The following COL19A1 variants were observed in gnomAD, a reference collection of about 807,000 sequenced individuals.
COL19A1 encodes the protein collagen type XIX alpha 1 chain.
COL19A1 carries 159 observed loss-of-function variants against 190.2 expected under a neutral mutation model. The ratio of observed to expected loss-of-function variants is 0.84; its 90% CI spans 0.73 to 0.95. The LOEUF is 0.95. Among genes scored for constraint, COL19A1 ranks in the 40% least tolerant of loss-of-function variants. COL19A1 has a pLI of 0.00. For missense variants in COL19A1, 1,418 were observed against 1,431.9 expected (o/e 0.99, Z 0.16); for synonymous variants, 509 against 458.9 (o/e 1.11, Z -1.39).
chr6:69,997,780 G>A (rs891892654), intron 11 of COL19A1, among the ~76,000 whole-genome samples: 1 of 152,102 alleles, frequency 6.6e-6, no homozygotes, highest in African/African-American at 2.4e-5. Flanking sequence ...TATGTAATGG[G>A]AATCCCAGGA....
chr6:69,886,592 G>A (rs1444553535), intron 2 of COL19A1, among the ~76,000 whole-genome samples: 1 of 151,514 alleles, frequency 6.6e-6, no homozygotes, highest in Non-Finnish European at 1.5e-5. Flanking sequence ...AATGCTCATG[G>A]ATGGATGAAT....
intron 11 of COL19A1, among the ~76,000 whole-genome samples, chr6:69,969,523 AAAAT>A (rs1193691113): frequency 2.6e-5 from 4 of 152,216 alleles, no homozygotes; most frequent in Non-Finnish European, 5.9e-5. Flanking sequence ...CCATGAATCA[AAAAT>A]AAATATTGAG....
At chr6:69,986,975 C>T (rs1776348901) in intron 11 of COL19A1, among the ~76,000 whole-genome samples, 1 of 152,210 alleles carries the variant, frequency 6.6e-6, no homozygotes, top group Non-Finnish European at 1.5e-5. Flanking sequence ...GGCTGGAGTG[C>T]AGCAGAGAAA....
At chr6:69,936,021 G>T (rs1413983831) in intron 7 of COL19A1, among the ~76,000 whole-genome samples, 1 of 152,064 alleles carries the variant, frequency 6.6e-6, no homozygotes, top group African/African-American at 2.4e-5. Context: ...CTCTCCTAGT[G>T]CTTTCTCTTC....
rs769558777 is a variant in COL19A1, at chr6:70,168,159, T to G, written c.2497-12T>G. ...CTTTCTCTTTTTCTTTTCTTTTCAT[T>G]TTCTTTTGAAGGGAGGTGTGAATGT... On this transcript the variant is annotated splice_polypyrimidine_tract_variant and intron_variant, in intron 38 of 50. Transcript: ENST00000620364. 1 of 1,612,778 alleles carries G rather than the reference T, an allele frequency of 6.2e-7. No homozygotes were observed. Among genetic ancestry groups the G allele is most frequent in the South Asian group, 1.1e-5 (1 of 90,752 alleles).
rs931536647 is a variant in COL19A1 at position 69,866,595 on chromosome 6, G to C, written c.-78G>C. On this transcript the variant is annotated 5_prime_UTR_variant, in exon 1 of 51. Coordinates refer to ENST00000620364, the MANE Select transcript of COL19A1 (RefSeq NM_001858.6). ...CACTCCTCGGCGGTGCCGCAGCCCT[G>C]TCCGGACTCCACTGCGCCTCTGAGG... The C allele has an allele frequency of 6.6e-6, 1 of 152,352 alleles. No homozygotes were observed. The highest frequency in any genetic ancestry group is 1.9e-4 in the East Asian group (1 of 5,202). The allele number at this position is 152,352 out of a possible 1,614,324, so 9.4% of individuals were successfully genotyped here.
Position 70,207,296 on chromosome 6 carries a change from T to C in COL19A1, c.*22T>C, listed in dbSNP as rs201530468. 2 of 1,605,608 alleles carry C rather than the reference T, an allele frequency of 1.2e-6. No homozygotes were observed. The highest frequency in any genetic ancestry group is 2.2e-5 in the South Asian group (2 of 90,488). ...TTGAACACACCTGAAGAAGACTTGG[T>C]TCCTGGTAACATTTCCTTGCCACTG... On this transcript the variant is annotated 3_prime_UTR_variant, in exon 51 of 51. Coordinates refer to ENST00000620364, the MANE Select transcript of COL19A1 (RefSeq NM_001858.6).
At chr6:70,049,279 G>A (rs1413393790) in intron 14 of COL19A1, among the ~76,000 whole-genome samples, 1 of 151,928 alleles carries the variant, frequency 6.6e-6, no homozygotes, top group Admixed American at 6.6e-5. Flanking sequence ...TAGAAAGAAG[G>A]CAGTTGAAAT....
intron 16 of COL19A1, among the ~76,000 whole-genome samples, chr6:70,116,046 A>G (rs1784562946): frequency 6.6e-6 from 1 of 152,010 alleles, no homozygotes. Context: ...GAGTCCCCCA[A>G]TATTTTCTAT....
intron 4 of COL19A1, among the ~76,000 whole-genome samples, chr6:69,921,917 T>TA (rs1352041152): frequency 6.6e-6 from 1 of 152,040 alleles, no homozygotes; most frequent in African/African-American, 2.4e-5. Flanking sequence ...TATCACTGAA[T>TA]AAGCAATGGA....
rs1773143581 is a variant in COL19A1 at position 69,936,838 on chromosome 6, T to C, written c.801T>C (p.His267=). ...GNIASSWVTA[H]ASKMSSYLPA... Reference sequence around the variant, plus strand: ...TTGCATCATCATGGGTAACTGCTCATGCCAGTAAAATGTCTTCATATCTGC... The same window carrying C: ...TTGCATCATCATGGGTAACTGCTCACGCCAGTAAAATGTCTTCATATCTGC... Residue 267 remains histidine, a synonymous_variant, in exon 8 of 51, where the codon CAT becomes CAC. Transcript: ENST00000620364. 1 of 1,613,124 alleles carries C rather than the reference T, an allele frequency of 6.2e-7. No individual in the cohort carries two copies. The highest frequency in any genetic ancestry group is 8.5e-7 in the Non-Finnish European group (1 of 1,179,340).
At chr6:70,068,121 A>T (rs1204552462) in intron 14 of COL19A1, among the ~76,000 whole-genome samples, 1 of 151,872 alleles carries the variant, frequency 6.6e-6, no homozygotes, top group Admixed American at 6.6e-5. Context: ...GTTACCACTT[A>T]TTTATGGTGG....
intron 15 of COL19A1, among the ~76,000 whole-genome samples, chr6:70,094,301 C>A (rs1783107288): frequency 6.6e-6 from 1 of 152,152 alleles, no homozygotes; most frequent in Admixed American, 6.5e-5. Context: ...GTAATTAACA[C>A]CTCATTCACA....
At chr6:69,987,527 T>C (rs1025473815) in intron 11 of COL19A1, among the ~76,000 whole-genome samples, 1 of 152,202 alleles carries the variant, frequency 6.6e-6, no homozygotes, top group Non-Finnish European at 1.5e-5. Flanking sequence ...CTTAAAACGA[T>C]TGCTTGGTTT....
intron 15 of COL19A1, among the ~76,000 whole-genome samples, chr6:70,072,496 C>T (rs1781616951): frequency 2.0e-5 from 3 of 152,130 alleles, no homozygotes; most frequent in Admixed American, 2.0e-4. Context: ...AATTTTGATC[C>T]TGAACAGAAA....
chr6:70,009,557 T>C (rs1777854451), intron 11 of COL19A1, among the ~76,000 whole-genome samples: 1 of 152,076 alleles, frequency 6.6e-6, no homozygotes, highest in Non-Finnish European at 1.5e-5. Flanking sequence ...GAAATCTCAA[T>C]GAAAATCTGA....
chr6:70,142,175 C>T, intron 22 of COL19A1, 99 bp downstream of exon 22: 1 of 1,064,118 alleles, frequency 9.4e-7, no homozygotes, highest in Non-Finnish European at 1.4e-6. Context: ...ATTTTCTTCA[C>T]AAATGCTCTC....
intron 34 of COL19A1, among the ~76,000 whole-genome samples, chr6:70,161,574 G>A (rs1272223976): frequency 6.6e-6 from 1 of 152,110 alleles, no homozygotes; most frequent in African/African-American, 2.4e-5. Context: ...GCCCAGAAGT[G>A]AGGAGTATAG....
At chr6:70,046,300 G>A (rs1016639140) in intron 14 of COL19A1, among the ~76,000 whole-genome samples, 4 of 151,944 alleles carry the variant, frequency 2.6e-5, no homozygotes, top group African/African-American at 4.8e-5. Context: ...CTCTTCTTGC[G>A]TGATTTACAC....
Sources: gnomAD v4.1 joint callset for allele counts (sites outside exome capture counted in the v4.1 genomes callset) on GRCh38, gnomAD v4.1.1 for gene constraint, MANE v1.5 for transcripts, NCBI Gene and HGNC (gene_info 2026-07-23, HGNC 2026-07-21) for gene names.